Variants in THOC5 observed in about 807,000 individuals in gnomAD.
THOC5 encodes THO complex subunit 5.
THOC5 carries 43 observed loss-of-function variants against 92.9 expected under a neutral mutation model. That is an observed-to-expected ratio of 0.46 (90% CI 0.36 to 0.60). THOC5 has a LOEUF of 0.60. Among genes scored for constraint, THOC5 ranks in the 20% least tolerant of loss-of-function variants. The pLI, the probability that THOC5 is intolerant of heterozygous loss-of-function variation, is 0.00. For missense variants in THOC5, 659 were observed against 849.4 expected, an observed-to-expected ratio of 0.78 and a Z score of 2.79; for synonymous variants, 296 against 320.1, an observed-to-expected ratio of 0.92 and a Z score of 0.80.
At chr22:29,509,095 G>C (rs2063173418) in intron 19 of THOC5, among the ~76,000 whole-genome samples, 2 of 151,998 alleles carry the variant, frequency 1.3e-5, no homozygotes, top group Admixed American at 1.3e-4. Context: ...ACCGGCCATA[G>C]AGTTAACTGG....
intron 17 of THOC5, among the ~76,000 whole-genome samples, chr22:29,514,567 C>T (rs1044458830): frequency 2.6e-5 from 4 of 151,916 alleles, no homozygotes; most frequent in East Asian, 1.9e-4. Context: ...CCGCCCGCCT[C>T]GGCTTCCCAA....
At position 29,517,330 on chromosome 22, in the gene THOC5, T is replaced by G; in HGVS notation, c.1526A>C (p.Tyr509Ser). ...GIVPVTSDCQ[Y>S]LFPAKVVSRL... ...AGAGACAACCTTGGCAGGGAAGAGG[T>G]ACTGGCAATCACTGGTAACTGGCAC... is the stretch of plus-strand genomic sequence containing the variant. The change falls in exon 16 of 20, where the codon TAC becomes TCC. Residue 509 changes from tyrosine to serine, a missense_variant. Coordinates refer to ENST00000490103, the MANE Select transcript of THOC5 (RefSeq NM_003678.5). The G allele has an allele frequency of 6.2e-7, 1 of 1,614,124 alleles. No homozygotes were observed. The highest frequency in any genetic ancestry group is 8.5e-7 in the Non-Finnish European group (1 of 1,180,020).
chr22:29,532,934 T>C (rs993093404), intron 7 of THOC5, among the ~76,000 whole-genome samples: 22 of 152,060 alleles, frequency 1.4e-4, no homozygotes, highest in African/African-American at 4.8e-4. Context: ...GCCAAGATTG[T>C]ACCACTGCAC....
intron 8 of THOC5, chr22:29,531,117 A>G (rs1311958794): frequency 1.7e-6 from 2 of 1,187,792 alleles, no homozygotes; most frequent in Non-Finnish European, 2.1e-6. Context: ...TGAGCTGATG[A>G]TGGAAACAGG....
In THOC5 at chr22:29,545,142, G is replaced by T. The variant is rs927830151; in HGVS notation, c.97-539C>A. 4 of 411,490 alleles carry T rather than the reference G, an allele frequency of 9.7e-6. No individual in the cohort carries two copies. In the Admixed American group the frequency reaches 1.1e-4, roughly 12 times the overall value. The allele number at this position is 411,490 out of a possible 1,614,324, so 25.5% of individuals were successfully genotyped here. A position where few individuals can be genotyped will look rare whatever the true frequency, so the allele number is the denominator to read the frequency against. On this transcript the variant is annotated intron_variant, in intron 2 of 19. Coordinates refer to ENST00000490103, the MANE Select transcript of THOC5 (RefSeq NM_003678.5). ...TATGTGGCGGCGGCAAGAGAAAAAT[G>T]AGGAGGAAGCAAAAGCAGAAACCCC...
chr22:29,508,493 T>C lies in THOC5; in HGVS notation c.2016A>G (p.Lys672=). The part of the protein sequence containing the change: ...FRGPSRMKPF[K]YNHPQGFFSH... ...TGAAGAATCCCTGAGGATGGTTGTA[T>C]TTAAATGGCTTCATCCTGCTAGGAC... is the stretch of plus-strand genomic sequence containing the variant. The change falls in exon 20 of 20, where the codon AAA becomes AAG. Residue 672 remains lysine, a synonymous_variant. Transcript: ENST00000490103. 6.2e-7 allele frequency: 1 copy of C among 1,614,162 alleles called. No individual in the cohort carries two copies. Among genetic ancestry groups the C allele is most frequent in the Non-Finnish European group, 8.5e-7 (1 of 1,180,010 alleles).
chr22:29,508,653 G>A (rs761240486), intron 19 of THOC5, 133 bp from the exon 20 acceptor site: 24 of 802,474 alleles, frequency 3.0e-5, no homozygotes, highest in African/African-American at 5.2e-5. Flanking sequence ...AAAAGCATAC[G>A]GCAGAACAAC....
At chr22:29,552,197 C>T (rs550629356) in intron 1 of THOC5, among the ~76,000 whole-genome samples, 138 of 152,158 alleles carry the variant, frequency 9.1e-4, no homozygotes, top group African/African-American at 2.9e-3. Flanking sequence ...AGCCTCTGCC[C>T]GGCCGCCACC....
intron 17 of THOC5, among the ~76,000 whole-genome samples, chr22:29,515,370 A>G (rs2063314867): frequency 6.6e-6 from 1 of 152,304 alleles, no homozygotes; most frequent in East Asian, 1.9e-4. Context: ...ACATGATGCT[A>G]TTGTACACTT....
At chr22:29,513,448 C>T (rs2063267687) in intron 17 of THOC5, among the ~76,000 whole-genome samples, 1 of 151,914 alleles carries the variant, frequency 6.6e-6, no homozygotes, top group Non-Finnish European at 1.5e-5. Context: ...ATAATCCCAG[C>T]ACTTTGGGAG....
chr22:29,521,778 G>A (rs1043217349), intron 12 of THOC5, among the ~76,000 whole-genome samples: 4 of 152,198 alleles, frequency 2.6e-5, no homozygotes, highest in Non-Finnish European at 5.9e-5. Flanking sequence ...AAGAGATAAT[G>A]TGGGAGGGTA....
chr22:29,525,363 CTCTTCTCAAAACT>C (rs2063522779), intron 12 of THOC5, among the ~76,000 whole-genome samples: 1 of 152,170 alleles, frequency 6.6e-6, no homozygotes, highest in Non-Finnish European at 1.5e-5. Context: ...CCTCTGCTCA[CTCTTCTCAAAACT>C]TTCACAGGGA....
chr22:29,526,070 C>T, intron 11 of THOC5, 124 bp from the exon 12 acceptor site: 1 of 655,188 alleles, frequency 1.5e-6, no homozygotes, highest in Non-Finnish European at 2.8e-6. Flanking sequence ...GTATTATGCC[C>T]ACTACCTAGG....
chr22:29,543,078 T>A, intron 4 of THOC5, 122 bp from the exon 5 acceptor site: 1 of 684,596 alleles, frequency 1.5e-6, no homozygotes, highest in African/African-American at 1.8e-5. Flanking sequence ...GTGCAGTGGC[T>A]CACGCCTGTA....
intron 17 of THOC5, among the ~76,000 whole-genome samples, chr22:29,514,607 C>T (rs2146442141): frequency 6.6e-6 from 1 of 152,086 alleles, no homozygotes; most frequent in East Asian, 1.9e-4. Context: ...TGAGCCACCG[C>T]ACCCGGCCAT....
Position 29,549,116 on chromosome 22 carries a change from G to A in THOC5, c.32C>T (p.Pro11Leu). ...GGCTCCATCGCTTCGGATCACTTTG[G>A]GCTTCCGTTTTTTGCTCGATTCTGA... MSSESSKKRK[P>L]KVIRSDGAPA... Residue 11 changes from proline to leucine, a missense_variant, in exon 2 of 20, where the codon CCC becomes CTC. By Grantham distance (98) the Pro-to-Leu change is moderately conservative (BLOSUM62 -3). Transcript: ENST00000490103. The A allele has an allele frequency of 1.9e-6, 3 of 1,614,078 alleles. No homozygotes were observed. Among genetic ancestry groups the A allele is most frequent in the Non-Finnish European group, 2.5e-6 (3 of 1,180,018 alleles).
chr22:29,553,028 A>T (rs551008957), intron 1 of THOC5, among the ~76,000 whole-genome samples: 122 of 152,258 alleles, frequency 8.0e-4, no homozygotes, highest in African/African-American at 2.6e-3. Context: ...GTTAAACAGA[A>T]GCTTGAAGGC....
intron 5 of THOC5, among the ~76,000 whole-genome samples, chr22:29,541,659 A>T (rs1239118324): frequency 6.6e-6 from 1 of 150,530 alleles, no homozygotes; most frequent in African/African-American, 2.4e-5. Flanking sequence ...CAGGAGATCG[A>T]GACCATCCTG....
At chr22:29,524,629 C>T (rs1313806957) in intron 12 of THOC5, among the ~76,000 whole-genome samples, 1 of 152,156 alleles carries the variant, frequency 6.6e-6, no homozygotes, top group Non-Finnish European at 1.5e-5. Context: ...CAGAAGCAAG[C>T]CCTGGGCTCC....
Sources: allele counts gnomAD v4.1 joint callset (sites outside exome capture counted in the v4.1 genomes callset), GRCh38; gene constraint gnomAD v4.1.1; transcripts MANE v1.5; gene names NCBI Gene and HGNC (gene_info 2026-07-23, HGNC 2026-07-21).